The following GRID1 variants were observed in gnomAD, a reference collection of about 807,000 sequenced individuals.
GRID1 encodes glutamate ionotropic receptor delta type subunit 1.
GRID1 carries 28 observed loss-of-function variants against 98.0 expected under a neutral mutation model. The ratio of observed to expected loss-of-function variants is 0.29; its 90% CI spans 0.21 to 0.39. The LOEUF is 0.39. GRID1 is among the 10% of genes least tolerant of loss of function. The pLI is 1.00. For missense variants in GRID1, 1,111 were observed against 1,340.5 expected (o/e 0.83, Z 2.67); for synonymous variants, 553 against 538.5 (o/e 1.03, Z -0.37).
Position 85,625,772 on chromosome 10 carries a change from G to A in GRID1, c.2194-5739C>T, listed in dbSNP as rs562816800. Among the ~76,000 whole-genome samples the A allele has an allele frequency of 1.8e-3, 272 of 152,328 alleles. 2 individuals are homozygous for A. The highest frequency in any genetic ancestry group is 0.017 in the Middle Eastern group (5 of 294). ...GAATATGATTGGCCTCTATTTGCTG[G>A]AGGAAGGTTGGGCTCTATAAAAGAA... On this transcript the variant is annotated intron_variant, in intron 13 of 15. Coordinates refer to ENST00000327946, the MANE Select transcript of GRID1 (RefSeq NM_017551.3).
At chr10:85,659,524 A>C (rs1840940406) in intron 12 of GRID1, among the ~76,000 whole-genome samples, 1 of 152,226 alleles carries the variant, frequency 6.6e-6, no homozygotes, top group African/African-American at 2.4e-5. Context: ...GCAAGAAAAC[A>C]GACTGAGGCT....
chr10:85,775,985 A>T (rs573275976), intron 8 of GRID1, among the ~76,000 whole-genome samples: 49 of 152,190 alleles, frequency 3.2e-4, no homozygotes, highest in African/African-American at 1.1e-3. Flanking sequence ...AACCTAATGA[A>T]TTTTTTTAAA....
intron 4 of GRID1, among the ~76,000 whole-genome samples, chr10:85,954,407 C>G (rs1345056781): frequency 6.6e-6 from 1 of 152,134 alleles, no homozygotes; most frequent in Non-Finnish European, 1.5e-5. Context: ...CTGAGAGTAA[C>G]TGGCAGCAAT....
In GRID1 at chr10:85,724,642, G is replaced by C. The variant is rs1841742439; in HGVS notation, c.1568C>G (p.Thr523Ser). 1 of 1,612,090 alleles carries C rather than the reference G, an allele frequency of 6.2e-7. No homozygotes were observed. The highest frequency in any genetic ancestry group is 8.5e-7 in the Non-Finnish European group (1 of 1,179,158). The change falls in exon 11 of 16, where the codon ACC becomes AGC. Residue 523 changes from threonine (T) to serine (S), a missense_variant. Transcript: ENST00000327946. Reference sequence around the variant, plus strand: ...GTCCACAACGCTCTCCCTCTCTGGGGTGATGGTGATGGCAGAGATGGCCAA... The same window carrying C: ...GTCCACAACGCTCTCCCTCTCTGGGCTGATGGTGATGGCAGAGATGGCCAA... ...ADLAISAITI[T>S]PERESVVDFS...
intron 12 of GRID1, among the ~76,000 whole-genome samples, chr10:85,693,252 A>T (rs570476797): frequency 5.3e-5 from 8 of 152,318 alleles, no homozygotes; most frequent in African/African-American, 1.7e-4. Context: ...TGTATGGAGC[A>T]AGTGGATATT....
chr10:85,958,193 T>C (rs543071949), intron 4 of GRID1, among the ~76,000 whole-genome samples: 2 of 152,328 alleles, frequency 1.3e-5, no homozygotes, highest in South Asian at 4.1e-4. Flanking sequence ...TGAATTTTAC[T>C]TCCATGAGTA....
intron 2 of GRID1, among the ~76,000 whole-genome samples, chr10:86,284,800 C>T (rs1847405778): frequency 6.6e-6 from 1 of 152,206 alleles, no homozygotes; most frequent in Non-Finnish European, 1.5e-5. Context: ...GAGGACGGGG[C>T]ATAGGGTCGC....
At chr10:86,066,889 G>A (rs1294285236) in intron 4 of GRID1, among the ~76,000 whole-genome samples, 3 of 152,142 alleles carry the variant, frequency 2.0e-5, no homozygotes, top group East Asian at 1.9e-4. Context: ...TAGGGGCCGC[G>A]CCGGCACAAG....
intron 11 of GRID1, 64 bp from the exon 12 acceptor site, chr10:85,723,205 G>A (rs1008765248): frequency 6.6e-7 from 1 of 1,508,730 alleles, no homozygotes. Context: ...CCCCAGGGAG[G>A]TGTTCTGCCC....
At chr10:86,121,781 C>A (rs1474007166) in intron 4 of GRID1, among the ~76,000 whole-genome samples, 1 of 152,200 alleles carries the variant, frequency 6.6e-6, no homozygotes, top group African/African-American at 2.4e-5. Context: ...ACTATCCCTA[C>A]TTTAGATATA....
At chr10:86,086,000 C>T (rs1844049609) in intron 4 of GRID1, among the ~76,000 whole-genome samples, 1 of 152,152 alleles carries the variant, frequency 6.6e-6, no homozygotes, top group African/African-American at 2.4e-5. Context: ...GCTCACCAAA[C>T]TCTTTGGAGC....
At chr10:85,763,512 G>T (rs1276425467) in intron 8 of GRID1, among the ~76,000 whole-genome samples, 1 of 152,128 alleles carries the variant, frequency 6.6e-6, no homozygotes, top group Non-Finnish European at 1.5e-5. Flanking sequence ...ATCCTATGTT[G>T]ATTTCTCATA....
At chr10:86,135,468 C>A (rs935372845) in intron 4 of GRID1, among the ~76,000 whole-genome samples, 1 of 151,784 alleles carries the variant, frequency 6.6e-6, no homozygotes, top group Non-Finnish European at 1.5e-5. Flanking sequence ...CACCCTCAGC[C>A]CCATCCTCCC....
intron 12 of GRID1, among the ~76,000 whole-genome samples, chr10:85,691,929 G>C (rs543239019): frequency 6.6e-6 from 1 of 151,940 alleles, no homozygotes; most frequent in Non-Finnish European, 1.5e-5. Context: ...TTCTGCAGTC[G>C]GGGTCCCACT....
intron 2 of GRID1, among the ~76,000 whole-genome samples, chr10:86,255,270 A>G (rs1171600182): frequency 1.3e-5 from 2 of 152,240 alleles, no homozygotes; most frequent in Admixed American, 6.5e-5. Flanking sequence ...AATAATTAAA[A>G]CAAACTGTGT....
At chr10:85,771,428 A>C (rs1344814761) in intron 8 of GRID1, among the ~76,000 whole-genome samples, 5 of 152,098 alleles carry the variant, frequency 3.3e-5, no homozygotes, top group Non-Finnish European at 7.4e-5. Context: ...CGAGCAAAAT[A>C]ACCAGCTAAC....
intron 2 of GRID1, among the ~76,000 whole-genome samples, chr10:86,312,362 A>G (rs930236835): frequency 2.6e-5 from 4 of 152,212 alleles, no homozygotes; most frequent in African/African-American, 4.8e-5. Flanking sequence ...GGAGCTAATG[A>G]CAAGAGCACT....
chr10:85,621,581 TCAGA>T (rs1842860160), intron 13 of GRID1, among the ~76,000 whole-genome samples: 1 of 152,084 alleles, frequency 6.6e-6, no homozygotes, highest in Non-Finnish European at 1.5e-5. Flanking sequence ...TCCCAGACAT[TCAGA>T]CAATTTTGCC....
At chr10:86,080,779 C>T (rs1589364501) in intron 4 of GRID1, among the ~76,000 whole-genome samples, 1 of 152,162 alleles carries the variant, frequency 6.6e-6, no homozygotes, top group East Asian at 1.9e-4. Context: ...AATCTCCACA[C>T]AGACGACTGG....
Sources: allele counts gnomAD v4.1 joint callset (sites outside exome capture counted in the v4.1 genomes callset), GRCh38; gene constraint gnomAD v4.1.1; transcripts MANE v1.5; gene names NCBI Gene and HGNC (gene_info 2026-07-23, HGNC 2026-07-21).